TIMP3: variants seen among roughly 807,000 people sequenced by gnomAD.
The protein encoded by TIMP3 is TIMP metallopeptidase inhibitor 3, also known as metalloproteinase inhibitor 3.
Under a neutral mutation model 30.0 loss-of-function variants are expected in TIMP3, and 11 were observed. The observed-to-expected ratio is 0.37, with a 90% CI of 0.23 to 0.61. The LOEUF (loss-of-function observed/expected upper bound fraction) is 0.61. Ranked by LOEUF, TIMP3 falls within the 20% of genes least tolerant of loss-of-function variation. TIMP3 has a pLI of 0.70. For missense variants in TIMP3, 181 were observed against 276.8 expected, an observed-to-expected ratio of 0.65 and a Z score of 2.45; for synonymous variants, 112 against 111.3, an observed-to-expected ratio of 1.01 and a Z score of -0.04.
At chr22:32,817,921 A>G (rs147747662) in intron 1 of TIMP3, among the ~76,000 whole-genome samples, 1 of 152,224 alleles carries the variant, frequency 6.6e-6, no homozygotes, top group East Asian at 1.9e-4. Flanking sequence ...TCTGTTCTAT[A>G]CTTCTCTTAC....
At chr22:32,804,607 G>A (rs552766234) in intron 1 of TIMP3, among the ~76,000 whole-genome samples, 1 of 152,290 alleles carries the variant, frequency 6.6e-6, no homozygotes, top group Non-Finnish European at 1.5e-5. Context: ...GGGGCTGCCC[G>A]ATGGCCTTTC....
At position 32,859,651 on chromosome 22, in the gene TIMP3, CT is replaced by C; in HGVS notation, c.*276del. 1 of 480,638 alleles carries C rather than the reference CT, an allele frequency of 2.1e-6. No homozygotes were observed. Among genetic ancestry groups the C allele is most frequent in the Non-Finnish European group, 3.7e-6 (1 of 271,222 alleles). The allele number at this position is 480,638 out of a possible 1,614,324, so 29.8% of individuals were successfully genotyped here. On this transcript the variant is annotated 3_prime_UTR_variant, in exon 5 of 5. Coordinates refer to ENST00000266085, the MANE Select transcript of TIMP3 (RefSeq NM_000362.5). ...GAAAGAATGAGGAACCTGTATTCCTCTTCTTCGTGATAATATAATCTCTATT... is the reference window on the plus strand; with the variant it reads ...GAAAGAATGAGGAACCTGTATTCCTCTCTTCGTGATAATATAATCTCTATT...
rs1490833118 is a variant in TIMP3 at position 32,859,556 on chromosome 22, CCCCACCCTG to C, written c.*183_*191del. On this transcript the variant is annotated 3_prime_UTR_variant, in exon 5 of 5. Coordinates refer to ENST00000266085, the MANE Select transcript of TIMP3 (RefSeq NM_000362.5). ...GGTTTATTGGGAACTATCCTCCTGG[CCCCACCCTG>C]CCCCTTCTTTTTGGTTTTGACATCA... 2 of 735,080 alleles carry C rather than the reference CCCCACCCTG, an allele frequency of 2.7e-6. No individual in the cohort carries two copies. Among genetic ancestry groups the C allele is most frequent in the Non-Finnish European group, 4.3e-6 (2 of 467,090 alleles). The allele number at this position is 735,080 out of a possible 1,614,324, so 45.5% of individuals were successfully genotyped here.
At chr22:32,849,677 G>T in intron 2 of TIMP3, 143 bp downstream of exon 2, 1 of 779,092 alleles carries the variant, frequency 1.3e-6, no homozygotes. Context: ...GCTGGAGAGG[G>T]AGCTGCTAAG....
chr22:32,803,007 G>T (rs2046631203), intron 1 of TIMP3, among the ~76,000 whole-genome samples: 2 of 152,126 alleles, frequency 1.3e-5, no homozygotes, highest in African/African-American at 4.8e-5. Context: ...TGTATGGAGG[G>T]CCCCGAGAGC....
intron 1 of TIMP3, among the ~76,000 whole-genome samples, chr22:32,841,314 T>C (rs1008392877): frequency 5.3e-5 from 8 of 152,136 alleles, no homozygotes; most frequent in Admixed American, 2.6e-4. Flanking sequence ...CAGTGTCTGA[T>C]AGAGCACAGT....
chr22:32,821,076 G>A (rs1405782361), intron 1 of TIMP3, among the ~76,000 whole-genome samples: 1 of 151,984 alleles, frequency 6.6e-6, no homozygotes, highest in African/African-American at 2.4e-5. Flanking sequence ...AATACCCACC[G>A]GTGCAATCTC....
chr22:32,850,353 C>G (rs1197813910), intron 2 of TIMP3, among the ~76,000 whole-genome samples: 1 of 151,984 alleles, frequency 6.6e-6, no homozygotes, highest in Non-Finnish European at 1.5e-5. Flanking sequence ...CTCCTAACAT[C>G]CTCTCTAGCT....
rs117714516 is a variant in TIMP3 at position 32,820,696 on chromosome 22, G to A, written c.121+18574G>A. Among the ~76,000 whole-genome samples the A allele has an allele frequency of 3.2e-4, 49 of 152,284 alleles. 1 individual carries two copies. In the East Asian group the frequency reaches 9.3e-3, roughly 29 times the overall value. ...GACCTGATTACCCCCAGGCACCAAGGAGCACCTGGGACCAAGGGGAGGTTT... is the reference window on the plus strand; with the variant it reads ...GACCTGATTACCCCCAGGCACCAAGAAGCACCTGGGACCAAGGGGAGGTTT... On this transcript the variant is annotated intron_variant, in intron 1 of 4. Coordinates refer to ENST00000266085, the MANE Select transcript of TIMP3 (RefSeq NM_000362.5).
intron 1 of TIMP3, among the ~76,000 whole-genome samples, chr22:32,832,985 G>A (rs962124830): frequency 6.6e-5 from 10 of 152,158 alleles, no homozygotes; most frequent in Middle Eastern, 3.4e-3. Flanking sequence ...CACCTGCCTC[G>A]ACCTCCCGAA....
chr22:32,851,003 GGTTATGTAAT>G (rs1228062496), intron 2 of TIMP3, among the ~76,000 whole-genome samples: 2 of 152,158 alleles, frequency 1.3e-5, no homozygotes, highest in Admixed American at 6.5e-5. Context: ...ACAGCCTTCT[GGTTATGTAAT>G]GTCCAGAGTC....
intron 1 of TIMP3, among the ~76,000 whole-genome samples, chr22:32,844,124 C>T (rs180717818): frequency 1.3e-3 from 198 of 152,240 alleles, no homozygotes; most frequent in Non-Finnish European, 2.2e-3. Flanking sequence ...CATTGTTGCT[C>T]GGCCTTCTAG....
At chr22:32,823,851 T>C (rs543443820) in intron 1 of TIMP3, among the ~76,000 whole-genome samples, 25 of 152,220 alleles carry the variant, frequency 1.6e-4, no homozygotes, top group African/African-American at 5.5e-4. Flanking sequence ...TCCTATAAGA[T>C]GGTACATCCC....
chr22:32,857,927 G>A (rs2146288896), intron 3 of TIMP3, 90 bp from the exon 4 acceptor site: 1 of 1,601,380 alleles, frequency 6.2e-7, no homozygotes, highest in South Asian at 1.1e-5. Flanking sequence ...ACAGTGCCTG[G>A]GCTAAGTGGG....
At chr22:32,824,008 G>C (rs1197068937) in intron 1 of TIMP3, among the ~76,000 whole-genome samples, 1 of 152,180 alleles carries the variant, frequency 6.6e-6, no homozygotes, top group Non-Finnish European at 1.5e-5. Flanking sequence ...GCCAGGCGCG[G>C]TGACTCACGC....
At chr22:32,850,873 C>T (rs2048199399) in intron 2 of TIMP3, among the ~76,000 whole-genome samples, 1 of 152,154 alleles carries the variant, frequency 6.6e-6, no homozygotes, top group South Asian at 2.1e-4. Flanking sequence ...GTGACGCAGC[C>T]CACGGTGGTA....
chr22:32,858,208 A>G (rs1033937196), intron 4 of TIMP3, 70 bp downstream of exon 4: 8 of 1,596,048 alleles, frequency 5.0e-6, no homozygotes, highest in South Asian at 3.4e-5. Flanking sequence ...TCAGCTCCCA[A>G]TGCACTGGGT....
At chr22:32,808,479 G>A (rs943147672) in intron 1 of TIMP3, among the ~76,000 whole-genome samples, 56 of 152,170 alleles carry the variant, frequency 3.7e-4, no homozygotes, top group Admixed American at 3.5e-3. Flanking sequence ...AGAAGGCCTG[G>A]TTTAGGAAAG....
Position 32,859,367 on chromosome 22 carries a change from C to T in TIMP3, c.626C>T (p.Thr209Ile). 2 of 1,610,540 alleles carry T rather than the reference C, an allele frequency of 1.2e-6. No homozygotes were observed. Among genetic ancestry groups the T allele is most frequent in the Non-Finnish European group, 1.7e-6 (2 of 1,179,940 alleles). The change falls in exon 5 of 5, where the codon ACA becomes ATA. Residue 209 changes from threonine to isoleucine, a missense_variant. Around this residue, in one of 3 missense-constraint regions of TIMP3, gnomAD observed 47 missense variants for 63.8 expected, o/e 0.74. Transcript: ENST00000266085. ...CCGGATAAAAGCATCATCAATGCCA[C>T]AGACCCCTGAGCGCCAGACCCTGCC... ...APPDKSIINA[T>I]DP
Sources: allele counts gnomAD v4.1 joint callset (sites outside exome capture counted in the v4.1 genomes callset), GRCh38; gene constraint gnomAD v4.1.1; regional missense constraint gnomAD v4.1.1; transcripts MANE v1.5; gene names NCBI Gene and HGNC (gene_info 2026-07-23, HGNC 2026-07-21).